POLK: variants seen among roughly 807,000 people sequenced by gnomAD.
The protein encoded by POLK is polymerase (DNA directed) kappa.
A neutral mutation model predicts 94.0 loss-of-function variants in POLK; 76 were observed. The ratio of observed to expected loss-of-function variants is 0.81; its 90% confidence interval spans 0.67 to 0.98. The LOEUF (loss-of-function observed/expected upper bound fraction) is 0.98, where lower values mean the gene tolerates loss of function less well. POLK is among the 50% of genes least tolerant of loss of function. POLK has a pLI of 0.00. For synonymous variants in POLK, 349 were observed against 325.4 expected, an observed-to-expected ratio of 1.07 and a Z score of -0.78; for missense variants, 954 against 1,010.1, an observed-to-expected ratio of 0.94 and a Z score of 0.75.
At chr5:75,601,808 T>G (rs1264278014), downstream of POLK, among the ~76,000 whole-genome samples, 2 of 152,284 alleles carry the variant, frequency 1.3e-5, no homozygotes, top group African/African-American at 4.8e-5. Context: ...GCTTCTCAGC[T>G]TGCAGACTGT....
downstream of POLK, among the ~76,000 whole-genome samples, chr5:75,602,678 T>C (rs890759571): frequency 6.6e-6 from 1 of 152,220 alleles, no homozygotes. Flanking sequence ...GCTATGCGTT[T>C]TGAATATATG....
intron 3 of POLK, among the ~76,000 whole-genome samples, chr5:75,560,414 A>G (rs746748914): frequency 3.2e-4 from 48 of 152,312 alleles, no homozygotes; most frequent in Admixed American, 6.5e-4. Flanking sequence ...CAAATAAGGA[A>G]AGTAAGCATG....
At position 75,565,890 on chromosome 5, in the gene POLK, G is replaced by A. The variant is rs540839595; in HGVS notation, c.256-3450G>A. ...GTCTGTTCCTTAGCAGAGCTTGAGC[G>A]CTGTGCTGGGCGATCCGCTGCTCTC... On this transcript the variant is annotated intron_variant, in intron 3 of 14. Transcript: ENST00000241436. 1.3e-4 allele frequency among the ~76,000 whole-genome samples: 20 copies of A among 152,374 alleles called. No homozygotes were observed. The South Asian group carries it at 2.3e-3, about 17-fold the overall frequency.
At chr5:75,537,525 A>G (rs1769505254) in intron 1 of POLK, among the ~76,000 whole-genome samples, 1 of 152,178 alleles carries the variant, frequency 6.6e-6, no homozygotes, top group Non-Finnish European at 1.5e-5. Flanking sequence ...GTCAGTGTTC[A>G]GTAGCCCTTT....
At chr5:75,609,903 G>T in the POLK span, 1 of 152,174 alleles carries the variant, frequency 6.6e-6, no homozygotes, top group Non-Finnish European at 1.5e-5. Flanking sequence ...AGTTTGAAAT[G>T]AACATTGATA....
At chr5:75,511,680 C>T (rs923706975), upstream of POLK, 6 of 1,531,616 alleles carry the variant, frequency 3.9e-6, no homozygotes, top group African/African-American at 1.4e-5. Flanking sequence ...CCATTCTCCC[C>T]CACTACTCCC....
intron 8 of POLK, among the ~76,000 whole-genome samples, 186 bp downstream of exon 8, chr5:75,583,603 G>A (rs1057268574): frequency 2.0e-5 from 3 of 152,064 alleles, no homozygotes; most frequent in Non-Finnish European, 4.4e-5. Flanking sequence ...GTGAGATTTA[G>A]CTTATTTGCT....
At chr5:75,517,730 A>G (rs893103872) in intron 1 of POLK, among the ~76,000 whole-genome samples, 2 of 152,210 alleles carry the variant, frequency 1.3e-5, no homozygotes, top group African/African-American at 4.8e-5. Flanking sequence ...CTTAGAGGAA[A>G]GGCTTTCAAT....
exon 2 of POLK, chr5:75,547,110 G>A: frequency 6.5e-7 from 1 of 1,537,186 alleles, no homozygotes; most frequent in Non-Finnish European, 8.9e-7. Context: ...AGGAATGGAA[G>A]GATTAGATAA....
At chr5:75,590,260 T>C (rs1772710258) in intron 10 of POLK, 84 bp from the exon 11 acceptor site, 1 of 608,794 alleles carries the variant, frequency 1.6e-6, no homozygotes, top group African/African-American at 1.8e-5. Flanking sequence ...AACTTAATGC[T>C]AGCCATATAA....
At chr5:75,598,160 T>G in exon 15 of POLK, 1 of 456,856 alleles carries the variant, frequency 2.2e-6, no homozygotes, top group Non-Finnish European at 3.9e-6. Context: ...TTTGCTTTTC[T>G]AAGATACATA....
At chr5:75,511,836 GT>G in exon 1 of POLK, 1 of 1,548,966 alleles carries the variant, frequency 6.5e-7, no homozygotes, top group Non-Finnish European at 8.7e-7. Context: ...GGATGCAGCT[GT>G]GCTGCATTCT....
intron 1 of POLK, among the ~76,000 whole-genome samples, chr5:75,543,682 A>C (rs958145302): frequency 2.6e-5 from 4 of 152,218 alleles, no homozygotes; most frequent in African/African-American, 9.6e-5. Context: ...AAACTGGACA[A>C]AAGTTTCATG....
At chr5:75,531,159 T>C (rs1301722964) in intron 1 of POLK, among the ~76,000 whole-genome samples, 1 of 152,002 alleles carries the variant, frequency 6.6e-6, no homozygotes, top group Non-Finnish European at 1.5e-5. Context: ...AAAATGTTTT[T>C]TTTCCTCGAA....
chr5:75,574,143 T>C (rs186463190), intron 5 of POLK, among the ~76,000 whole-genome samples: 153 of 152,342 alleles, frequency 1.0e-3, no homozygotes, highest in African/African-American at 3.4e-3. Flanking sequence ...TTAATGATAA[T>C]ATAAAATTAA....
At chr5:75,565,557 T>C (rs916330921) in intron 3 of POLK, among the ~76,000 whole-genome samples, 4 of 152,236 alleles carry the variant, frequency 2.6e-5, no homozygotes, top group Non-Finnish European at 5.9e-5. Context: ...AACCTTTGAA[T>C]GGCGTTTTTG....
At chr5:75,608,087 G>A in the POLK span, among the ~76,000 whole-genome samples, 1 of 152,122 alleles carries the variant, frequency 6.6e-6, no homozygotes, top group Non-Finnish European at 1.5e-5. Context: ...AGGACTCAAA[G>A]ACAAGTTACT....
At chr5:75,597,117 A>G (rs774246488) in exon 13 of POLK, 19 of 1,612,362 alleles carry the variant, frequency 1.2e-5, no homozygotes, top group Non-Finnish European at 1.6e-5. Flanking sequence ...GTTTTATCCA[A>G]GAATTAAGAA....
intron 4 of POLK, among the ~76,000 whole-genome samples, chr5:75,570,333 G>A (rs1183801833): frequency 1.3e-5 from 2 of 152,076 alleles, no homozygotes; most frequent in Non-Finnish European, 2.9e-5. Context: ...AGAAAGAAAA[G>A]GAAATGTTAT....
Sources: gnomAD v4.1 joint callset for allele counts (sites outside exome capture counted in the v4.1 genomes callset) on GRCh38, gnomAD v4.1.1 for gene constraint, MANE v1.5 for transcripts, NCBI Gene and HGNC (gene_info 2026-07-23, HGNC 2026-07-21) for gene names.